The following SND1 variants were observed in gnomAD, a reference collection of about 807,000 sequenced individuals.
SND1 encodes the protein staphylococcal nuclease domain-containing protein 1.
Under a neutral mutation model 121.7 loss-of-function variants are expected in SND1, and 38 were observed. The ratio of observed to expected loss-of-function variants is 0.31; its 90% confidence interval spans 0.24 to 0.41. The LOEUF is 0.41. Among genes scored for constraint, SND1 ranks in the 10% least tolerant of loss-of-function variants. The pLI is 1.00. For missense variants in SND1, 868 were observed against 1,184.6 expected (o/e 0.73, Z 3.92); for synonymous variants, 401 against 447.4 (o/e 0.90, Z 1.31).
rs1802509838 is a variant in SND1, at chr7:127,990,971, G to A, written c.1694G>A (p.Arg565Gln). 2 of 1,613,886 alleles carry A rather than the reference G, an allele frequency of 1.2e-6. No homozygotes were observed. The highest frequency in any genetic ancestry group is 1.7e-6 in the Non-Finnish European group (2 of 1,179,892). Residue 565 changes from arginine to glutamine, a missense_variant, in exon 16 of 24, where the codon CGA (arginine) becomes CAA (glutamine). Physicochemically the swap from Arg to Gln is conservative, Grantham distance 43 (BLOSUM62 1). Transcript: ENST00000354725. Reference protein sequence around the residue: ...LAGIECPRGARNLPGLVQEGE... With the variant: ...LAGIECPRGAQNLPGLVQEGE... ...GGCATTGAATGCCCCAGAGGAGCCC[G>A]AAACCTCCCAGGCTTGGTGCAGGAA...
rs548671732 is a variant in SND1, at chr7:127,975,801, G to C, written c.1670-15146G>C. 9.9e-5 allele frequency among the ~76,000 whole-genome samples: 15 copies of C among 152,270 alleles called. No homozygotes were observed. The East Asian group carries it at 2.9e-3, about 29-fold the overall frequency. On this transcript the variant is annotated intron_variant, in intron 15 of 23. Transcript: ENST00000354725. The stretch of plus-strand genomic sequence containing the variant: ...ACTTTCTTCTGTGCGCTGTAGCGCC[G>C]AGCACGCTACCCCGTTCTTCTCTCT...
chr7:128,065,491 T>C (rs969291799), intron 16 of SND1, among the ~76,000 whole-genome samples: 3 of 152,252 alleles, frequency 2.0e-5, no homozygotes, highest in African/African-American at 7.2e-5. Flanking sequence ...AGAGGGGAAC[T>C]GACACGTGAA....
At chr7:127,817,747 T>TG (rs1211406054) in intron 11 of SND1, among the ~76,000 whole-genome samples, 67 of 140,918 alleles carry the variant, frequency 4.8e-4, no homozygotes, top group African/African-American at 1.9e-3. Flanking sequence ...TTTTTTTTTT[T>TG]GGTCAGGAAT....
At chr7:128,010,322 T>C (rs1206858624) in intron 16 of SND1, among the ~76,000 whole-genome samples, 1 of 152,240 alleles carries the variant, frequency 6.6e-6, no homozygotes, top group Non-Finnish European at 1.5e-5. Context: ...CTCTGTGACC[T>C]TGACAAAATC....
At position 127,962,748 on chromosome 7, in the gene SND1, G is replaced by A. The variant is rs142409830; in HGVS notation, c.1670-28199G>A. On this transcript the variant is annotated intron_variant, in intron 15 of 23. Transcript: ENST00000354725. ...CCGACTGTCTGGTTTTGTAGATGAG[G>A]AAACAGCACAAAGAAATGGAGTGGC... 5.9e-5 allele frequency among the ~76,000 whole-genome samples: 9 copies of A among 152,282 alleles called. No individual in the cohort carries two copies. The East Asian group carries it at 1.5e-3, about 26-fold the overall frequency.
intron 15 of SND1, among the ~76,000 whole-genome samples, chr7:127,955,687 T>G (rs994244237): frequency 1.3e-5 from 2 of 152,170 alleles, no homozygotes; most frequent in Non-Finnish European, 2.9e-5. Flanking sequence ...GTCTATAGAA[T>G]CAGTTTATTC....
chr7:128,028,773 A>G, intron 16 of SND1: 1 of 1,614,052 alleles, frequency 6.2e-7, no homozygotes, highest in Non-Finnish European at 8.5e-7. Flanking sequence ...AGAGTTCCCC[A>G]GGCTGTTTTC....
Position 127,853,422 on chromosome 7 carries a change from G to T in SND1, c.1343+8998G>T, listed in dbSNP as rs116762134. 8.3e-3 allele frequency among the ~76,000 whole-genome samples: 1,263 copies of T among 152,274 alleles called. 15 individuals are homozygous for T. Among genetic ancestry groups the T allele is most frequent in the African/African-American group, 0.029 (1,207 of 41,548 alleles). On this transcript the variant is annotated intron_variant, in intron 12 of 23. Coordinates refer to ENST00000354725, the MANE Select transcript of SND1 (RefSeq NM_014390.4). ...GTAAGTGTGACTATTTTGTGGCTTT[G>T]AGAACTTTAATGCTTTCCACCACGT...
intron 2 of SND1, among the ~76,000 whole-genome samples, chr7:127,693,461 T>A (rs1795955585): frequency 6.6e-6 from 1 of 152,234 alleles, no homozygotes; most frequent in South Asian, 2.1e-4. Context: ...GTAACAGTAC[T>A]GTTTTTATGA....
chr7:127,694,731 G>T, intron 2 of SND1, 97 bp from the exon 3 acceptor site: 1 of 1,420,550 alleles, frequency 7.0e-7, no homozygotes, highest in Non-Finnish European at 9.8e-7. Context: ...ACCATGGTAG[G>T]TACTCAGACA....
chr7:127,711,589 A>G (rs1456093334), intron 9 of SND1, among the ~76,000 whole-genome samples: 1 of 152,092 alleles, frequency 6.6e-6, no homozygotes, highest in African/African-American at 2.4e-5. Context: ...TTGTTTATCT[A>G]TATTTGAGCA....
Position 127,698,905 on chromosome 7 carries a change from T to A in SND1, c.380T>A (p.Leu127Gln). The stretch of plus-strand genomic sequence containing the variant: ...AATGGGGAAAACATTGCAGAATCAC[T>A]GGTTGCAGAGGGCTTAGCCACCCGG... ...DTNGENIAES[L>Q]VAEGLATRRE... The change falls in exon 4 of 24, where the codon CTG becomes CAG. Residue 127 changes from leucine (L) to glutamine (Q), a missense_variant. Physicochemically the swap from Leu to Gln is moderately radical, Grantham distance 113. Transcript: ENST00000354725. 6.2e-7 allele frequency: 1 copy of A among 1,613,812 alleles called. No individual in the cohort carries two copies. The highest frequency in any genetic ancestry group is 1.1e-5 in the South Asian group (1 of 91,080).
chr7:127,802,137 G>A (rs1021592639), intron 10 of SND1, among the ~76,000 whole-genome samples: 4 of 152,084 alleles, frequency 2.6e-5, no homozygotes, highest in Non-Finnish European at 4.4e-5. Flanking sequence ...GAACCACCGC[G>A]CCCAGCTCTA....
intron 12 of SND1, among the ~76,000 whole-genome samples, chr7:127,857,443 T>C (rs895635248): frequency 6.7e-6 from 1 of 149,076 alleles, no homozygotes; most frequent in Admixed American, 6.7e-5. Flanking sequence ...GACCTCGTGA[T>C]CCGCCCGCCT....
chr7:127,789,457 TA>T (rs1797871568), intron 10 of SND1, among the ~76,000 whole-genome samples: 1 of 152,240 alleles, frequency 6.6e-6, no homozygotes, highest in East Asian at 1.9e-4. Context: ...TGAATTTTTT[TA>T]TAGCTAAAAT....
rs554049507 is a variant in SND1, at chr7:128,066,753, T to C, written c.1780-7749T>C. Among the ~76,000 whole-genome samples, 5 of 152,342 alleles carry C rather than the reference T, an allele frequency of 3.3e-5. No individual in the cohort carries two copies. In the East Asian group the frequency reaches 7.7e-4, roughly 24 times the overall value. On this transcript the variant is annotated intron_variant, in intron 16 of 23. Coordinates refer to ENST00000354725, the MANE Select transcript of SND1 (RefSeq NM_014390.4). ...AGGTATCTCTTCAAGTTCACAGTTC[T>C]GGCTGTGGCAGCATGCTACAGCCTT...
chr7:127,987,965 C>T (rs941421171), intron 15 of SND1, among the ~76,000 whole-genome samples: 1 of 152,106 alleles, frequency 6.6e-6, no homozygotes, highest in Non-Finnish European at 1.5e-5. Flanking sequence ...ATCAAGATGG[C>T]AGAGAAGGAA....
chr7:127,937,142 A>C (rs1310763672), intron 15 of SND1, among the ~76,000 whole-genome samples: 1 of 152,168 alleles, frequency 6.6e-6, no homozygotes, highest in East Asian at 1.9e-4. Context: ...CAACTCACTG[A>C]GTGAGTCCAC....
intron 1 of SND1, among the ~76,000 whole-genome samples, chr7:127,662,152 C>G (rs1795325110): frequency 6.6e-6 from 1 of 152,018 alleles, no homozygotes; most frequent in African/African-American, 2.4e-5. Flanking sequence ...CCCTCCTTGC[C>G]CCTCAGTTTT....
Sources: gnomAD v4.1 joint callset for allele counts (sites outside exome capture counted in the v4.1 genomes callset) on GRCh38, gnomAD v4.1.1 for gene constraint, MANE v1.5 for transcripts, NCBI Gene and HGNC (gene_info 2026-07-23, HGNC 2026-07-21) for gene names.